ADAMTSL1: variants seen among roughly 807,000 people sequenced by gnomAD.
ADAMTSL1 encodes the protein ADAMTS like 1, also known as ADAMTS-like protein 1.
ADAMTSL1 carries 126 observed loss-of-function variants against 201.8 expected under a neutral mutation model. The ratio of observed to expected loss-of-function variants is 0.62; its 90% CI spans 0.54 to 0.72. The LOEUF (loss-of-function observed/expected upper bound fraction) is 0.72. ADAMTSL1 is among the 30% of genes least tolerant of loss of function. The pLI is 0.00. For synonymous variants in ADAMTSL1, 1,121 were observed against 903.4 expected, an observed-to-expected ratio of 1.24 and a Z score of -4.32; for missense variants, 2,679 against 2,277.8, an observed-to-expected ratio of 1.18 and a Z score of -3.59.
At chr9:18,779,800 C>T (rs1821279387) in intron 19 of ADAMTSL1, among the ~76,000 whole-genome samples, 1 of 152,186 alleles carries the variant, frequency 6.6e-6, no homozygotes, top group Non-Finnish European at 1.5e-5. Context: ...CCTATCGGTG[C>T]ACCTGCTGTA....
intron 15 of ADAMTSL1, among the ~76,000 whole-genome samples, chr9:18,741,716 A>G (rs1377787071): frequency 5.3e-5 from 8 of 152,132 alleles, no homozygotes; most frequent in African/African-American, 1.4e-4. Flanking sequence ...GCCTCTTCCT[A>G]TCTTCTGATG....
chr9:18,220,211 G>C lies in ADAMTSL1; in HGVS notation c.207+56230G>C, dbSNP rs553849040. Among the ~76,000 whole-genome samples, 34 of 152,134 alleles carry C rather than the reference G, an allele frequency of 2.2e-4. 1 individual carries two copies. The South Asian group carries it at 6.6e-3, about 30-fold the overall frequency. ...TCAGTTTTGGTTTAGATATGATCCA[G>C]TTTTCCATTATGATGGTGAATTTGT... On this transcript the variant is annotated intron_variant, in intron 2 of 29. Transcript: ENST00000680146.
Position 18,379,939 on chromosome 9 carries a change from C to G in ADAMTSL1, c.208-124890C>G, listed in dbSNP as rs138043895. Among the ~76,000 whole-genome samples the G allele has an allele frequency of 6.0e-3, 914 of 152,272 alleles. 13 individuals carry two copies. The highest frequency in any genetic ancestry group is 0.021 in the African/African-American group (881 of 41,542). ...AAGCCCCCCTTCCTGTTTTCCCATT[C>G]CACGGGCATAAAGAAATAAAGCACA... On this transcript the variant is annotated intron_variant, in intron 2 of 29. Coordinates refer to the ADAMTSL1 transcript ENST00000680146.
intron 2 of ADAMTSL1, among the ~76,000 whole-genome samples, chr9:18,231,083 C>G (rs894390537): frequency 6.6e-6 from 1 of 152,150 alleles, no homozygotes; most frequent in African/African-American, 2.4e-5. Flanking sequence ...ATACCTCAGA[C>G]CAGCTCTACC....
chr9:18,038,374 C>T (rs986847256), intron 1 of ADAMTSL1, among the ~76,000 whole-genome samples: 6 of 152,108 alleles, frequency 3.9e-5, no homozygotes, highest in Non-Finnish European at 8.8e-5. Flanking sequence ...CAAAACTATT[C>T]CTGCCAGCAA....
intron 19 of ADAMTSL1, among the ~76,000 whole-genome samples, chr9:18,782,794 A>G (rs1821474122): frequency 6.6e-6 from 1 of 152,206 alleles, no homozygotes; most frequent in Admixed American, 6.5e-5. Flanking sequence ...TGTGAGGAGG[A>G]AGAACACTCC....
At chr9:18,192,547 A>C (rs1468053716) in intron 2 of ADAMTSL1, among the ~76,000 whole-genome samples, 2 of 152,154 alleles carry the variant, frequency 1.3e-5, no homozygotes, top group East Asian at 3.8e-4. Flanking sequence ...GCTTTGGAAA[A>C]AATTAATAAT....
intron 19 of ADAMTSL1, among the ~76,000 whole-genome samples, chr9:18,786,956 C>CA: frequency 6.6e-6 from 1 of 152,256 alleles, no homozygotes; most frequent in East Asian, 1.9e-4. Context: ...TTGGGCAACT[C>CA]AGAGTATCAG....
upstream of ADAMTSL1, among the ~76,000 whole-genome samples, chr9:18,472,219 A>G (rs1821243274): frequency 6.6e-6 from 1 of 152,250 alleles, no homozygotes; most frequent in Admixed American, 6.5e-5. Context: ...AGCTTTATGA[A>G]TGAAAGTTTA....
At chr9:18,181,421 A>T (rs1484088170) in intron 2 of ADAMTSL1, among the ~76,000 whole-genome samples, 3 of 152,212 alleles carry the variant, frequency 2.0e-5, no homozygotes, top group African/African-American at 7.2e-5. Flanking sequence ...ATCTACAATG[A>T]ACTCAAACAA....
intron 15 of ADAMTSL1, among the ~76,000 whole-genome samples, chr9:18,725,809 G>A (rs1587992547): frequency 6.6e-6 from 1 of 152,238 alleles, no homozygotes. Flanking sequence ...AGTTTTCTAT[G>A]AATTTATATA....
intron 2 of ADAMTSL1, among the ~76,000 whole-genome samples, chr9:18,261,549 CAT>C (rs1831925059): frequency 6.6e-6 from 1 of 152,154 alleles, no homozygotes; most frequent in South Asian, 2.1e-4. Context: ...GAATTCTGCA[CAT>C]ATGTTTTTCA....
chr9:18,065,718 C>T (rs550572071), intron 1 of ADAMTSL1, among the ~76,000 whole-genome samples: 10 of 152,220 alleles, frequency 6.6e-5, no homozygotes, highest in Admixed American at 4.6e-4. Flanking sequence ...CGGTGGCTCA[C>T]GCCTGTAATC....
rs182854586 is a variant in ADAMTSL1, at chr9:18,503,559, G to A, written c.64-1270G>A. Among the ~76,000 whole-genome samples the A allele has an allele frequency of 2.1e-3, 313 of 151,706 alleles. 1 individual carries two copies. Among genetic ancestry groups the A allele is most frequent in the African/African-American group, 7.3e-3 (303 of 41,384 alleles). ...AAGATTCATTGATTCATTCATTGTT[G>A]TAGTATCTTTATTATCTCCATCTTA... On this transcript the variant is annotated intron_variant, in intron 1 of 28. Coordinates refer to ENST00000380548, the MANE Select transcript of ADAMTSL1 (RefSeq NM_001040272.6).
At chr9:18,900,110 G>A (rs1369101786) in intron 26 of ADAMTSL1, among the ~76,000 whole-genome samples, 2 of 152,122 alleles carry the variant, frequency 1.3e-5, no homozygotes, top group Non-Finnish European at 2.9e-5. Flanking sequence ...CCATTAAAAA[G>A]CAAGCAAAGG....
At chr9:18,048,486 A>G (rs1439678489) in intron 1 of ADAMTSL1, among the ~76,000 whole-genome samples, 5 of 152,222 alleles carry the variant, frequency 3.3e-5, no homozygotes, top group African/African-American at 1.2e-4. Flanking sequence ...TAATTGTAAC[A>G]AACATACCAT....
chr9:18,457,079 C>G (rs1038427196), intron 2 of ADAMTSL1, among the ~76,000 whole-genome samples: 18 of 152,224 alleles, frequency 1.2e-4, no homozygotes, highest in African/African-American at 4.3e-4. Context: ...CATTTTGTCA[C>G]CCCACATTTC....
At chr9:18,316,304 A>C (rs1563882001) in intron 2 of ADAMTSL1, among the ~76,000 whole-genome samples, 1 of 152,102 alleles carries the variant, frequency 6.6e-6, no homozygotes, top group Non-Finnish European at 1.5e-5. Context: ...TTTTGAGGGC[A>C]ACTGGTCTGA....
chr9:18,364,054 C>G (rs1217697459), intron 2 of ADAMTSL1, among the ~76,000 whole-genome samples: 1 of 152,048 alleles, frequency 6.6e-6, no homozygotes, highest in Non-Finnish European at 1.5e-5. Flanking sequence ...AAAGAAATTC[C>G]TAGAGGCAAA....
Sources: allele counts gnomAD v4.1 joint callset (sites outside exome capture counted in the v4.1 genomes callset), GRCh38; gene constraint gnomAD v4.1.1; transcripts MANE v1.5; gene names NCBI Gene and HGNC (gene_info 2026-07-23, HGNC 2026-07-21).